The following CDH13 variants were observed in gnomAD, a reference collection of about 807,000 sequenced individuals.
CDH13 encodes cadherin 13.
CDH13 carries 24 observed loss-of-function variants against 63.8 expected under a neutral mutation model. The observed-to-expected ratio is 0.38, with a 90% confidence interval of 0.27 to 0.53. CDH13 has a LOEUF of 0.53. Ranked by LOEUF, CDH13 falls within the 20% of genes least tolerant of loss-of-function variation. CDH13 has a pLI of 0.85. For synonymous variants in CDH13, 503 were observed against 355.3 expected, an observed-to-expected ratio of 1.42 and a Z score of -4.67; for missense variants, 1,049 against 903.1, an observed-to-expected ratio of 1.16 and a Z score of -2.07.
At chr16:83,686,431 C>G (rs1377263859) in intron 10 of CDH13, among the ~76,000 whole-genome samples, 3 of 152,160 alleles carry the variant, frequency 2.0e-5, no homozygotes, top group African/African-American at 7.2e-5. Context: ...TGTCAGGGAC[C>G]TGAATACATA....
intron 1 of CDH13, among the ~76,000 whole-genome samples, chr16:82,658,830 A>G (rs1337072446): frequency 6.6e-6 from 1 of 152,222 alleles, no homozygotes. Flanking sequence ...AGAAGAAAAC[A>G]TACATTTTTC....
chr16:83,199,943 A>G (rs2038977007), intron 4 of CDH13, among the ~76,000 whole-genome samples: 1 of 152,184 alleles, frequency 6.6e-6, no homozygotes, highest in Admixed American at 6.5e-5. Context: ...GGGGGCAGGA[A>G]TGGTGGCTAT....
At chr16:83,605,344 C>T (rs920553814) in intron 8 of CDH13, among the ~76,000 whole-genome samples, 6 of 152,178 alleles carry the variant, frequency 3.9e-5, no homozygotes, top group African/African-American at 1.2e-4. Context: ...AACTTTCTGT[C>T]GTGTTCCTGA....
chr16:83,604,821 T>C (rs1908177755), intron 8 of CDH13, among the ~76,000 whole-genome samples: 1 of 152,170 alleles, frequency 6.6e-6, no homozygotes, highest in African/African-American at 2.4e-5. Context: ...ACCAGCTGTG[T>C]GAGATTAATT....
intron 5 of CDH13, among the ~76,000 whole-genome samples, chr16:83,343,046 T>C (rs1455147228): frequency 6.6e-6 from 1 of 152,086 alleles, no homozygotes; most frequent in Non-Finnish European, 1.5e-5. Flanking sequence ...ATCTCCTTTG[T>C]GTGCAGATAT....
chr16:83,344,679 C>T (rs913942550), intron 5 of CDH13, among the ~76,000 whole-genome samples, 183 bp from the exon 6 acceptor site: 1 of 152,156 alleles, frequency 6.6e-6, no homozygotes, highest in African/African-American at 2.4e-5. Flanking sequence ...CTGATCTTTG[C>T]CTTTTATTCT....
At chr16:82,667,271 A>T (rs1339653421) in intron 1 of CDH13, among the ~76,000 whole-genome samples, 1 of 152,164 alleles carries the variant, frequency 6.6e-6, no homozygotes, top group Non-Finnish European at 1.5e-5. Context: ...TTAGGGAGAC[A>T]ATTCCAGAGA....
At chr16:83,485,180 A>G (rs1350359895) in intron 6 of CDH13, among the ~76,000 whole-genome samples, 2 of 152,242 alleles carry the variant, frequency 1.3e-5, no homozygotes, top group Non-Finnish European at 2.9e-5. Flanking sequence ...GGCTGTTTCC[A>G]AATTTTTCAC....
At chr16:83,538,266 A>G (rs1054543474) in intron 7 of CDH13, among the ~76,000 whole-genome samples, 1 of 152,176 alleles carries the variant, frequency 6.6e-6, no homozygotes, top group African/African-American at 2.4e-5. Flanking sequence ...GGGTATGTTT[A>G]GGTTATTTCT....
chr16:83,291,219 A>T (rs2089458688), intron 5 of CDH13, among the ~76,000 whole-genome samples: 1 of 152,232 alleles, frequency 6.6e-6, no homozygotes, highest in South Asian at 2.1e-4. Flanking sequence ...TCACTTAATA[A>T]ATCAGAAATC....
At chr16:82,947,054 G>T (rs1044740785) in intron 2 of CDH13, among the ~76,000 whole-genome samples, 6 of 148,124 alleles carry the variant, frequency 4.1e-5, no homozygotes, top group Admixed American at 4.0e-4. Context: ...GTGTGATGTT[G>T]TAAGAAAGTT....
chr16:82,769,255 C>T (rs571596437), intron 1 of CDH13, among the ~76,000 whole-genome samples: 1 of 152,100 alleles, frequency 6.6e-6, no homozygotes, highest in Non-Finnish European at 1.5e-5. Context: ...ACAAATAAAT[C>T]ATCAAAGTTG....
chr16:82,639,656 G>A (rs1909145547), intron 1 of CDH13, among the ~76,000 whole-genome samples: 1 of 152,224 alleles, frequency 6.6e-6, no homozygotes, highest in Non-Finnish European at 1.5e-5. Flanking sequence ...TGTGGCAATT[G>A]GATTGAATGT....
intron 2 of CDH13, among the ~76,000 whole-genome samples, chr16:82,868,168 G>A (rs75440725): frequency 8.5e-5 from 13 of 152,262 alleles, no homozygotes; most frequent in African/African-American, 1.7e-4. Context: ...AATCTGTTGC[G>A]ATGTGCCAAG....
At chr16:83,067,860 G>C (rs2032137348) in intron 3 of CDH13, among the ~76,000 whole-genome samples, 1 of 152,048 alleles carries the variant, frequency 6.6e-6, no homozygotes, top group South Asian at 2.1e-4. Context: ...GAATGTCTCA[G>C]GCCTCCCATC....
chr16:83,518,257 C>T (rs1393982244), intron 7 of CDH13, among the ~76,000 whole-genome samples: 1 of 151,720 alleles, frequency 6.6e-6, no homozygotes, highest in African/African-American at 2.4e-5. Flanking sequence ...CATTCTCCTG[C>T]CTCAGCCTCC....
At chr16:83,265,204 C>G (rs9673352) in intron 5 of CDH13, among the ~76,000 whole-genome samples, 2 of 152,270 alleles carry the variant, frequency 1.3e-5, no homozygotes, top group African/African-American at 2.4e-5. Flanking sequence ...TCCTCTAAGC[C>G]TGCTTCTCAG....
At chr16:82,643,996 A>G (rs1909753909) in intron 1 of CDH13, among the ~76,000 whole-genome samples, 1 of 152,096 alleles carries the variant, frequency 6.6e-6, no homozygotes, top group Non-Finnish European at 1.5e-5. Flanking sequence ...GTGATCCTCC[A>G]GGAGTAGCTG....
rs1167402116 is a variant in CDH13, at chr16:83,065,731, A to AAAAAACG, written c.366+33518_366+33519insCGAAAAA. On this transcript the variant is annotated intron_variant, in intron 3 of 13. Coordinates refer to ENST00000567109, the MANE Select transcript of CDH13 (RefSeq NM_001257.5). ...AAAAAAACAAAAAAACAAAAAAACA[A>AAAAAACG]AAAAAAAAAAACAAGACTACTTTTA... 3.1e-5 allele frequency among the ~76,000 whole-genome samples: 3 copies of AAAAAACG among 95,468 alleles called. No homozygotes were observed. The East Asian group carries it at 6.4e-4, about 20-fold the overall frequency. 62.6% of individuals were successfully genotyped at this position (95,468 alleles called of 152,430 possible).
Sources: allele counts gnomAD v4.1 joint callset (sites outside exome capture counted in the v4.1 genomes callset), GRCh38; gene constraint gnomAD v4.1.1; transcripts MANE v1.5; gene names NCBI Gene and HGNC (gene_info 2026-07-23, HGNC 2026-07-21).